The following RYR2 variants were observed in gnomAD, a reference collection of about 807,000 sequenced individuals.
The protein encoded by RYR2 is cardiac muscle ryanodine receptor-calcium release channel.
A neutral mutation model predicts 601.1 loss-of-function variants in RYR2; 227 were observed. That is an observed-to-expected ratio of 0.38 (90% confidence interval 0.34 to 0.42). The LOEUF (loss-of-function observed/expected upper bound fraction) is 0.42. Among genes scored for constraint, RYR2 ranks in the 10% least tolerant of loss-of-function variants. The pLI is 1.00. For missense variants in RYR2, 4,646 were observed against 6,156.5 expected, an observed-to-expected ratio of 0.75 and a Z score of 8.21; for synonymous variants, 2,223 against 2,175.1, an observed-to-expected ratio of 1.02 and a Z score of -0.61.
intron 58 of RYR2, among the ~76,000 whole-genome samples, chr1:237,672,328 C>T (rs1573455298): frequency 6.6e-6 from 1 of 152,266 alleles, no homozygotes; most frequent in South Asian, 2.1e-4. Context: ...TATGCGGCCC[C>T]AAAATCACTG....
At chr1:237,492,032 A>G (rs1558910762) in intron 18 of RYR2, 108 bp downstream of exon 18, 1 of 634,484 alleles carries the variant, frequency 1.6e-6, no homozygotes, top group Non-Finnish European at 2.8e-6. Context: ...GAGTGTTTTT[A>G]ATCTCTTAAT....
intron 4 of RYR2, among the ~76,000 whole-genome samples, chr1:237,362,261 G>T (rs1417987295): frequency 3.9e-5 from 6 of 152,166 alleles, no homozygotes; most frequent in African/African-American, 1.4e-4. Flanking sequence ...AAGACAGCAC[G>T]TTGGAATCCA....
intron 27 of RYR2, among the ~76,000 whole-genome samples, chr1:237,562,199 G>T (rs1294235371): frequency 1.3e-5 from 2 of 152,048 alleles, no homozygotes; most frequent in East Asian, 3.9e-4. Context: ...ATTTGAAAAT[G>T]GAATTTATTC....
intron 33 of RYR2, among the ~76,000 whole-genome samples, chr1:237,595,267 A>G (rs1675764780): frequency 6.6e-6 from 1 of 152,088 alleles, no homozygotes; most frequent in African/African-American, 2.4e-5. Context: ...CAACTTGTTG[A>G]CCTGTCTTCA....
chr1:237,092,160 G>C (rs915053956), intron 1 of RYR2, among the ~76,000 whole-genome samples: 3 of 152,172 alleles, frequency 2.0e-5, no homozygotes, highest in Non-Finnish European at 2.9e-5. Context: ...CTACCATAAG[G>C]ATGCGTTGTA....
At chr1:237,260,425 T>G (rs1488225538) in intron 1 of RYR2, among the ~76,000 whole-genome samples, 6 of 152,124 alleles carry the variant, frequency 3.9e-5, no homozygotes, top group Non-Finnish European at 8.8e-5. Context: ...TTCCCGAAGG[T>G]GATTCAAATG....
At chr1:237,566,256 G>A (rs1672069340) in intron 27 of RYR2, among the ~76,000 whole-genome samples, 1 of 152,002 alleles carries the variant, frequency 6.6e-6, no homozygotes, top group African/African-American at 2.4e-5. Context: ...AAAGCACCAA[G>A]GCACTTGGGT....
rs2794818 is a variant in RYR2, at chr1:237,798,489, T to C, written c.14090+319T>C. Among the ~76,000 whole-genome samples, 103,098 of 151,948 alleles carry C rather than the reference T, an allele frequency of 0.68. 35,414 individuals carry two copies. Among genetic ancestry groups the C allele is most frequent in the East Asian group, 0.95 (4,942 of 5,178 alleles). On this transcript the variant is annotated intron_variant, in intron 97 of 104. Coordinates refer to ENST00000366574, the MANE Select transcript of RYR2 (RefSeq NM_001035.3). ...AAGTAAAACACATGCAAAAACTCAATATATGGCTGTTTTCTGGTAATTCCT... is the reference window on the plus strand; with the variant it reads ...AAGTAAAACACATGCAAAAACTCAACATATGGCTGTTTTCTGGTAATTCCT...
intron 4 of RYR2, among the ~76,000 whole-genome samples, chr1:237,357,260 A>G (rs1236352875): frequency 6.6e-6 from 1 of 152,164 alleles, no homozygotes; most frequent in Middle Eastern, 3.2e-3. Flanking sequence ...CTATAGTTAA[A>G]ATGCTGATCC....
intron 58 of RYR2, among the ~76,000 whole-genome samples, chr1:237,672,363 A>G (rs1047786215): frequency 1.3e-5 from 2 of 152,240 alleles, no homozygotes; most frequent in African/African-American, 4.8e-5. Context: ...TGCCAAATTA[A>G]TAGCATTCTC....
At chr1:237,185,128 A>G (rs75238248) in intron 1 of RYR2, among the ~76,000 whole-genome samples, 3,689 of 152,038 alleles carry the variant, frequency 0.024, 61 homozygotes, top group Middle Eastern at 0.068. Context: ...GGCCCCCCAA[A>G]TAGTTGGTAC....
chr1:237,237,945 C>CCTTTCCTTTCCTTTCCTTT (rs1685739072), intron 1 of RYR2, among the ~76,000 whole-genome samples: 7 of 35,528 alleles, frequency 2.0e-4, no homozygotes, highest in Admixed American at 4.5e-4. Flanking sequence ...CTTTCCTTTC[C>CCTTTCCTTTCCTTTCCTTT]CCTTTCCTTT....
chr1:237,051,272 T>A (rs1430750800), intron 1 of RYR2, among the ~76,000 whole-genome samples: 1 of 74,008 alleles, frequency 1.4e-5, no homozygotes, highest in Non-Finnish European at 2.5e-5. Flanking sequence ...TTCCCTACCC[T>A]CTCCTCCCCT....
intron 1 of RYR2, among the ~76,000 whole-genome samples, chr1:237,122,681 AAAACAAAC>A (rs147076319): frequency 0.068 from 10,266 of 150,646 alleles, 358 homozygotes; most frequent in African/African-American, 0.081. Flanking sequence ...GACCGTCTCA[AAAACAAAC>A]AAACAAACAA....
chr1:237,581,937 G>A (rs1424218862), intron 29 of RYR2, among the ~76,000 whole-genome samples: 2 of 152,080 alleles, frequency 1.3e-5, no homozygotes, highest in East Asian at 1.9e-4. Flanking sequence ...GTGTGGCCTT[G>A]GGCAAATAGC....
chr1:237,624,383 G>C (rs1045736571), intron 39 of RYR2, among the ~76,000 whole-genome samples: 16 of 152,206 alleles, frequency 1.1e-4, no homozygotes, highest in African/African-American at 3.9e-4. Flanking sequence ...ACAAAGAAGT[G>C]CTAAGAAACT....
At chr1:237,628,829 G>T (rs1222202649) in intron 41 of RYR2, among the ~76,000 whole-genome samples, 1 of 152,076 alleles carries the variant, frequency 6.6e-6, no homozygotes, top group Non-Finnish European at 1.5e-5. Flanking sequence ...AAGGTGGGTA[G>T]TTGGAAATAT....
chr1:237,128,725 A>T (rs2148689912), intron 1 of RYR2, among the ~76,000 whole-genome samples: 1 of 152,270 alleles, frequency 6.6e-6, no homozygotes, highest in African/African-American at 2.4e-5. Context: ...GATGGGAAGG[A>T]CCAAAATACA....
intron 58 of RYR2, among the ~76,000 whole-genome samples, chr1:237,670,869 G>C (rs957013166): frequency 6.6e-6 from 1 of 152,172 alleles, no homozygotes; most frequent in African/African-American, 2.4e-5. Flanking sequence ...TACTCAAAAA[G>C]TTTCTGATTT....
Sources: allele counts gnomAD v4.1 joint callset (sites outside exome capture counted in the v4.1 genomes callset), GRCh38; gene constraint gnomAD v4.1.1; transcripts MANE v1.5; gene names NCBI Gene and HGNC (gene_info 2026-07-23, HGNC 2026-07-21).